The following PHF21A variants were observed in gnomAD, a reference collection of about 807,000 sequenced individuals.
PHF21A encodes PHD finger protein 21A.
Under a neutral mutation model 82.5 loss-of-function variants are expected in PHF21A, and 11 were observed. The ratio of observed to expected loss-of-function variants is 0.13; its 90% CI spans 0.08 to 0.22. The LOEUF (loss-of-function observed/expected upper bound fraction) is 0.22. Among genes scored for constraint, PHF21A ranks in the 10% least tolerant of loss-of-function variants. The pLI is 1.00. For missense variants in PHF21A, 579 were observed against 837.8 expected (o/e 0.69, Z 3.81); for synonymous variants, 297 against 302.8 (o/e 0.98, Z 0.20).
chr11:45,935,020 G>A, intron 18 of PHF21A: 3 of 922,680 alleles, frequency 3.3e-6, no homozygotes. Context: ...CCTACTCAAT[G>A]GAAAAGAAGA....
chr11:46,024,532 G>A (rs1177414248), intron 6 of PHF21A, among the ~76,000 whole-genome samples: 1 of 152,090 alleles, frequency 6.6e-6, no homozygotes, highest in Admixed American at 6.5e-5. Flanking sequence ...TGGCATGGTG[G>A]CTCATGCCTG....
intron 3 of PHF21A, among the ~76,000 whole-genome samples, chr11:46,088,947 A>C (rs2096889216): frequency 6.6e-6 from 1 of 152,120 alleles, no homozygotes; most frequent in South Asian, 2.1e-4. Context: ...TACTGCTAAG[A>C]AATATTTTGC....
chr11:45,971,327 A>G lies in PHF21A; in HGVS notation c.401T>C (p.Leu134Pro). 1 of 1,614,164 alleles carries G rather than the reference A, an allele frequency of 6.2e-7. No individual in the cohort carries two copies. The highest frequency in any genetic ancestry group is 8.5e-7 in the Non-Finnish European group (1 of 1,179,986). ...TTASMITTKT[L>P]PLVLKAATAT... ...AGTTGCTGCTTTCAAGACGAGAGGT[A>G]GTGTCTTTGTGGTAATCATAGAAGC... The change falls in exon 8 of 19, where the codon CTA (leucine) becomes CCA (proline). Residue 134 changes from leucine to proline, a missense_variant. By Grantham distance (98) the Leu-to-Pro change is moderately conservative. Around this residue, in one of 3 missense-constraint regions of PHF21A, gnomAD observed 410 missense variants for 642.1 expected, o/e 0.64. Coordinates refer to ENST00000676320, the MANE Select transcript of PHF21A (RefSeq NM_001352027.3).
chr11:46,031,072 C>T (rs182293776), intron 6 of PHF21A, among the ~76,000 whole-genome samples: 6 of 152,278 alleles, frequency 3.9e-5, no homozygotes, highest in Admixed American at 3.9e-4. Flanking sequence ...CAAGCGATCA[C>T]GTAGTAAAAG....
At chr11:46,034,224 C>G (rs761086135) in intron 6 of PHF21A, among the ~76,000 whole-genome samples, 3 of 151,434 alleles carry the variant, frequency 2.0e-5, no homozygotes, top group African/African-American at 4.9e-5. Context: ...TGCCCCCACC[C>G]CCCCCTTGCA....
At chr11:45,941,891 C>A (rs1465503794) in intron 15 of PHF21A, among the ~76,000 whole-genome samples, 2 of 152,224 alleles carry the variant, frequency 1.3e-5, no homozygotes, top group East Asian at 3.8e-4. Flanking sequence ...ATCTTCCCTT[C>A]TCATAAAAAT....
At chr11:45,934,410 T>C in intron 18 of PHF21A, 185 bp from the exon 19 acceptor site, 1 of 587,718 alleles carries the variant, frequency 1.7e-6, no homozygotes, top group Non-Finnish European at 3.0e-6. Context: ...ACAGGGCGGG[T>C]GGAGTGGGTA....
intron 15 of PHF21A, among the ~76,000 whole-genome samples, chr11:45,944,762 T>C (rs544447672): frequency 2.6e-5 from 4 of 152,312 alleles, no homozygotes; most frequent in Admixed American, 2.6e-4. Context: ...CTTAAATCCA[T>C]TCCATTTTTG....
intron 8 of PHF21A, 121 bp downstream of exon 8, chr11:45,970,995 G>T: frequency 8.3e-7 from 1 of 1,202,518 alleles, no homozygotes; most frequent in Non-Finnish European, 1.1e-6. Context: ...AGGGGAATTT[G>T]GTATGCTAGA....
At chr11:46,099,871 A>T (rs2097067275) in intron 1 of PHF21A, among the ~76,000 whole-genome samples, 1 of 152,188 alleles carries the variant, frequency 6.6e-6, no homozygotes, top group African/African-American at 2.4e-5. Flanking sequence ...TCCACAACAC[A>T]AATAAAAAAG....
intron 6 of PHF21A, among the ~76,000 whole-genome samples, chr11:46,039,776 C>T (rs982918329): frequency 2.0e-5 from 3 of 152,166 alleles, no homozygotes; most frequent in African/African-American, 7.2e-5. Context: ...GTCAAAACTG[C>T]ACAATCTGCA....
intron 1 of PHF21A, among the ~76,000 whole-genome samples, chr11:46,109,126 T>C (rs1392887017): frequency 6.6e-6 from 1 of 152,190 alleles, no homozygotes; most frequent in Non-Finnish European, 1.5e-5. Context: ...ATTACATAGT[T>C]TAGTATAGCA....
intron 16 of PHF21A, among the ~76,000 whole-genome samples, chr11:45,937,891 C>T (rs1026017436): frequency 6.6e-6 from 1 of 152,200 alleles, no homozygotes; most frequent in Non-Finnish European, 1.5e-5. Context: ...ATGAGGCACA[C>T]TGGACTTTAA....
intron 14 of PHF21A, among the ~76,000 whole-genome samples, chr11:45,948,539 T>C (rs1274159414): frequency 6.6e-6 from 1 of 152,248 alleles, no homozygotes; most frequent in Non-Finnish European, 1.5e-5. Flanking sequence ...GCAATGGCAG[T>C]GCTCTGTTCT....
chr11:46,055,799 C>T (rs370872317), intron 6 of PHF21A, among the ~76,000 whole-genome samples: 7 of 152,194 alleles, frequency 4.6e-5, no homozygotes, highest in South Asian at 4.2e-4. Flanking sequence ...AAATATAATA[C>T]GATCTAAGCC....
At chr11:46,039,662 G>C (rs1385557045) in intron 6 of PHF21A, among the ~76,000 whole-genome samples, 1 of 152,090 alleles carries the variant, frequency 6.6e-6, no homozygotes, top group Admixed American at 6.5e-5. Context: ...ATCTACGAAG[G>C]CTGAATTAAG....
At chr11:45,935,351 A>C (rs2088657245) in intron 18 of PHF21A, 1 of 919,058 alleles carries the variant, frequency 1.1e-6, no homozygotes, top group Non-Finnish European at 1.6e-6. Context: ...CCATGGCTAC[A>C]CTGTTGTAGC....
At chr11:46,092,257 A>T (rs1169190551) in intron 1 of PHF21A, 34 bp from the exon 2 acceptor site, 1 of 152,186 alleles carries the variant, frequency 6.6e-6, no homozygotes, top group Non-Finnish European at 1.5e-5. Flanking sequence ...GGAATTAGAC[A>T]ACACACACAT....
intron 6 of PHF21A, among the ~76,000 whole-genome samples, chr11:45,992,852 CAT>C (rs1262555950): frequency 1.3e-5 from 2 of 152,202 alleles, no homozygotes; most frequent in African/African-American, 4.8e-5. Flanking sequence ...AAGTACCTTA[CAT>C]ATAATTTAAC....
Sources: gnomAD v4.1 joint callset for allele counts (sites outside exome capture counted in the v4.1 genomes callset) on GRCh38, gnomAD v4.1.1 for gene constraint, gnomAD v4.1.1 regional missense constraint, MANE v1.5 for transcripts, NCBI Gene and HGNC (gene_info 2026-07-23, HGNC 2026-07-21) for gene names.